Variants in CCDC88B observed in about 807,000 individuals in gnomAD.
The protein encoded by CCDC88B is coiled-coil domain-containing protein 88B.
Under a neutral mutation model 183.7 loss-of-function variants are expected in CCDC88B, and 138 were observed. The observed-to-expected ratio is 0.75, with a 90% CI of 0.65 to 0.87. The LOEUF (loss-of-function observed/expected upper bound fraction) is 0.87. Ranked by LOEUF, CCDC88B falls within the 40% of genes least tolerant of loss-of-function variation. CCDC88B has a pLI of 0.00. For missense variants in CCDC88B, 1,822 were observed against 1,965.6 expected, an observed-to-expected ratio of 0.93 and a Z score of 1.38; for synonymous variants, 835 against 867.5, an observed-to-expected ratio of 0.96 and a Z score of 0.66.
At position 64,340,290 on chromosome 11, in the gene CCDC88B, G is replaced by C. The variant is rs986997004; in HGVS notation, c.24G>C (p.Arg8Ser). 2 of 1,281,382 alleles carry C rather than the reference G, an allele frequency of 1.6e-6. No homozygotes were observed. The highest frequency in any genetic ancestry group is 3.9e-5 in the Admixed American group (1 of 25,874). 79.4% of individuals were successfully genotyped at this position (1,281,382 alleles called of 1,614,324 possible). A position where few individuals can be genotyped will look rare whatever the true frequency, so the allele number is the denominator to read the frequency against. The change falls in exon 1 of 27, where the codon AGG becomes AGC. Residue 8 changes from arginine (R) to serine (S), a missense_variant. Coordinates refer to ENST00000356786, the MANE Select transcript of CCDC88B (RefSeq NM_032251.6). Reference protein sequence around the residue: MEGGKGPRLRDFLSGSLA... With the variant: MEGGKGPSLRDFLSGSLA... Reference sequence around the variant, plus strand: ...GCATGGAGGGGGGCAAGGGGCCCAGGCTCAGAGACTTCCTGAGTGGGAGTC... The same window carrying C: ...GCATGGAGGGGGGCAAGGGGCCCAGCCTCAGAGACTTCCTGAGTGGGAGTC...
At position 64,353,252 on chromosome 11, in the gene CCDC88B, G is replaced by GGGCC; in HGVS notation, c.3687+15_3687+18dup. On this transcript the variant is annotated intron_variant, in intron 21 of 26. Transcript: ENST00000356786. ...CCACGCAGTGTGAGGTGTGGCTGGAGGGCCGGTGGGGGTATGGGCGTGTGG... is the reference window on the plus strand; with the variant it reads ...CCACGCAGTGTGAGGTGTGGCTGGAGGGCCGGCCGGTGGGGGTATGGGCGTGTGG... 6.4e-7 allele frequency: 1 copy of GGGCC among 1,558,762 alleles called. No individual in the cohort carries two copies. Among genetic ancestry groups the GGGCC allele is most frequent in the Non-Finnish European group, 8.7e-7 (1 of 1,151,008 alleles).
rs756180859 is a variant in CCDC88B at position 64,353,802 on chromosome 11, G to A, written c.3921G>A (p.Leu1307=). Residue 1307 remains leucine, a synonymous_variant, in exon 23 of 27, where the codon CTG becomes CTA. Transcript: ENST00000356786. ...ACCGCGTGCTGGAGCCTGTGCCCCT[G>A]CCCCGGACCAAGTGAGCAGCCCTGT... ...DQYRVLEPVP[L]PRTKKGSWLA... 2.5e-6 allele frequency: 4 copies of A among 1,614,022 alleles called. No homozygotes were observed. The highest frequency in any genetic ancestry group is 3.4e-6 in the Non-Finnish European group (4 of 1,179,946).
intron 26 of CCDC88B, 80 bp from the exon 27 acceptor site, chr11:64,356,959 G>A (rs2036565674): frequency 7.0e-7 from 1 of 1,421,170 alleles, no homozygotes. Flanking sequence ...GTGGGCAGAA[G>A]GTGCTCGAGC....
In CCDC88B at chr11:64,354,297, C is replaced by A. The variant is rs531768101; in HGVS notation, c.4099+127C>A. ...TGGCCTTCCCTGAGGCCTGCCCCCC[C>A]TGCCCTGATGCCACCAGGGGCTCTT... On this transcript the variant is annotated intron_variant, in intron 24 of 26. Transcript: ENST00000356786. The A allele has an allele frequency of 5.3e-6, 4 of 756,490 alleles. No individual in the cohort carries two copies. The South Asian group carries it at 1.7e-4, about 32-fold the overall frequency. The allele number at this position is 756,490 out of a possible 1,614,324, so 46.9% of individuals were successfully genotyped here.
In CCDC88B at chr11:64,342,327, G is replaced by A. The variant is rs1473254186; in HGVS notation, c.855G>A (p.Gln285=). The part of the protein sequence containing the change: ...EEKAELLLDS[Q]AEVQGLEAEI... ...AGGCCGAGCTGCTGCTAGACTCCCAGGCCGAGGTGCAGGGTTTGGAGGCCG... is the reference window on the plus strand; with the variant it reads ...AGGCCGAGCTGCTGCTAGACTCCCAAGCCGAGGTGCAGGGTTTGGAGGCCG... Residue 285 remains glutamine, a synonymous_variant, in exon 9 of 27, where the codon CAG becomes CAA. Coordinates refer to ENST00000356786, the MANE Select transcript of CCDC88B (RefSeq NM_032251.6). The A allele has an allele frequency of 1.9e-6, 3 of 1,595,170 alleles. No individual in the cohort carries two copies. In the Admixed American group the frequency reaches 5.3e-5, roughly 28 times the overall value.
chr11:64,355,272 G>C lies in CCDC88B; in HGVS notation c.4178G>C (p.Arg1393Pro). ...LRDETLAGGQRRKLSSRFPVG... is the reference protein window; with the variant it reads ...LRDETLAGGQPRKLSSRFPVG... ...GATGAGACCTTGGCAGGCGGGCAGC[G>C]GCGGAAACTCAGCTCAAGGTTCCCG... The change falls in exon 25 of 27, where the codon CGG (arginine) becomes CCG (proline). Residue 1393 changes from arginine (R) to proline (P), a missense_variant. Coordinates refer to ENST00000356786, the MANE Select transcript of CCDC88B (RefSeq NM_032251.6). The C allele has an allele frequency of 6.3e-7, 1 of 1,581,962 alleles. No homozygotes were observed. Among genetic ancestry groups the C allele is most frequent in the South Asian group, 1.2e-5 (1 of 86,656 alleles).
intron 17 of CCDC88B, 97 bp downstream of exon 17, chr11:64,351,352 G>T: frequency 1.3e-6 from 2 of 1,514,148 alleles, no homozygotes; most frequent in Non-Finnish European, 1.8e-6. Context: ...CCCGTGCAGT[G>T]TGAGTGTGGA....
chr11:64,345,111 T>C lies in CCDC88B; in HGVS notation c.2570T>C (p.Leu857Ser). Residue 857 changes from leucine (L) to serine (S), a missense_variant, in exon 14 of 27, where the codon TTG (leucine) becomes TCG (serine). Physicochemically the swap from Leu to Ser is moderately radical, Grantham distance 145. Transcript: ENST00000356786. ...QVLESEGRQH[L>S]EEAERERREK... ...CTGGAGAGCGAGGGCCGCCAGCACT[T>C]GGAGGAGGCTGAGAGGGAGCGCCGG... The C allele has an allele frequency of 1.3e-6, 2 of 1,550,590 alleles. No homozygotes were observed. The highest frequency in any genetic ancestry group is 1.2e-5 in the South Asian group (1 of 84,792).
At chr11:64,340,516 G>A (rs752100276) in intron 1 of CCDC88B, 91 bp from the exon 2 acceptor site, 2 of 1,528,336 alleles carry the variant, frequency 1.3e-6, no homozygotes, top group Non-Finnish European at 1.7e-6. Context: ...TCAGAGGACG[G>A]GTGAGAAGGG....
chr11:64,353,939 C>T, intron 23 of CCDC88B, 65 bp from the exon 24 acceptor site: 1 of 1,561,110 alleles, frequency 6.4e-7, no homozygotes, highest in Non-Finnish European at 8.7e-7. Context: ...TTGACATCCC[C>T]AGGACACCCT....
At position 64,353,776 on chromosome 11, in the gene CCDC88B, T is replaced by C; in HGVS notation, c.3895T>C (p.Tyr1299His). Reference protein sequence around the residue: ...QKLVEKIMDQYRVLEPVPLPR... With the variant: ...QKLVEKIMDQHRVLEPVPLPR... The stretch of plus-strand genomic sequence containing the variant: ...GCTCGTGGAGAAGATCATGGACCAA[T>C]ACCGCGTGCTGGAGCCTGTGCCCCT... The change falls in exon 23 of 27, where the codon TAC becomes CAC. Residue 1299 changes from tyrosine to histidine, a missense_variant. Tyr to His is a moderately conservative substitution (Grantham distance 83). Transcript: ENST00000356786. 2 of 1,613,998 alleles carry C rather than the reference T, an allele frequency of 1.2e-6. No homozygotes were observed. Among genetic ancestry groups the C allele is most frequent in the Non-Finnish European group, 1.7e-6 (2 of 1,179,944 alleles).
chr11:64,349,813 A>G, intron 16 of CCDC88B, 145 bp downstream of exon 16: 1 of 728,942 alleles, frequency 1.4e-6, no homozygotes, highest in Non-Finnish European at 2.3e-6. Context: ...GGCCTGTTGG[A>G]GAGAGCACTG....
At chr11:64,341,239 C>T in intron 4 of CCDC88B, 31 bp from the exon 5 acceptor site, 4 of 1,614,154 alleles carry the variant, frequency 2.5e-6, no homozygotes, top group Non-Finnish European at 3.4e-6. Flanking sequence ...TTCCCCGCCC[C>T]AGTTAACCCC....
intron 1 of CCDC88B, 109 bp downstream of exon 1, chr11:64,340,435 G>A: frequency 7.6e-7 from 1 of 1,310,434 alleles, no homozygotes; most frequent in Non-Finnish European, 1.0e-6. Context: ...GGAGGGGAGG[G>A]CTGGGTTCAA....
Position 64,342,639 on chromosome 11 carries a change from G to T in CCDC88B, c.1021G>T (p.Glu341Ter). The part of the protein sequence containing the change: ...RLQEELRRCR[E>*]RLQAAEAYKS... ...GCAGGAGGAGCTGAGGCGCTGCCGC[G>T]AGCGGCTGCAGGCGGCTGAGGCCTA... is the stretch of plus-strand genomic sequence containing the variant. The change falls in exon 10 of 27, where the codon GAG becomes TAG. Residue 341 changes from glutamate to a stop codon, truncating the protein, a stop_gained. Coordinates refer to ENST00000356786, the MANE Select transcript of CCDC88B (RefSeq NM_032251.6). LOFTEE classifies it high-confidence loss of function. The T allele has an allele frequency of 6.6e-7, 1 of 1,523,518 alleles. No individual in the cohort carries two copies. The allele number at this position is 1,523,518 out of a possible 1,614,324, so 94.4% of individuals were successfully genotyped here. A position where few individuals can be genotyped will look rare whatever the true frequency, so the allele number is the denominator to read the frequency against.
At chr11:64,351,912 C>T (rs112283768) in intron 18 of CCDC88B, among the ~76,000 whole-genome samples, 13 of 152,242 alleles carry the variant, frequency 8.5e-5, no homozygotes, top group African/African-American at 2.9e-4. Flanking sequence ...GTGCCCCTTC[C>T]GGACAGCCTG....
rs2036514909 is a variant in CCDC88B, at chr11:64,355,373, C to G, written c.4279C>G (p.Leu1427Val). ...ATTCCGACAGCGCCATCCAGGCCCC[C>G]TGGGGGCGCCCGTCTCCCACAGCAA... ...QRFRQRHPGP[L>V]GAPVSHSKGP... Residue 1427 changes from leucine to valine, a missense_variant, in exon 25 of 27, where the codon CTG becomes GTG. Leu to Val is a conservative substitution (Grantham distance 32). Transcript: ENST00000356786. 1.9e-6 allele frequency: 3 copies of G among 1,591,090 alleles called. No individual in the cohort carries two copies. The highest frequency in any genetic ancestry group is 2.6e-6 in the Non-Finnish European group (3 of 1,169,286).
chr11:64,349,275 T>G (rs2036232486), intron 14 of CCDC88B, 56 bp from the exon 15 acceptor site: 1 of 1,502,954 alleles, frequency 6.7e-7, no homozygotes, highest in Non-Finnish European at 8.9e-7. Context: ...CTCTCAGGCC[T>G]CTGTCTCCGG....
At position 64,353,389 on chromosome 11, in the gene CCDC88B, C is replaced by A. The variant is rs1415925905; in HGVS notation, c.3726C>A (p.Asn1242Lys). 6.2e-7 allele frequency: 1 copy of A among 1,613,534 alleles called. No individual in the cohort carries two copies. The highest frequency in any genetic ancestry group is 1.7e-4 in the Middle Eastern group (1 of 5,960). ...TGCGAAGTGCCCAGGAAGAGGAGAA[C>A]CGGCAGCTGCTGGCTGAAGTTCAGG... ...TQLRSAQEEE[N>K]RQLLAEVQAL... is the part of the protein sequence containing the mutation. The change falls in exon 22 of 27, where the codon AAC becomes AAA. Residue 1242 changes from asparagine (N) to lysine (K), a missense_variant. Asn to Lys is a moderately conservative substitution (Grantham distance 94, BLOSUM62 0). Coordinates refer to ENST00000356786, the MANE Select transcript of CCDC88B (RefSeq NM_032251.6).
Sources: allele counts gnomAD v4.1 joint callset (sites outside exome capture counted in the v4.1 genomes callset), GRCh38; gene constraint gnomAD v4.1.1; transcripts MANE v1.5; gene names NCBI Gene and HGNC (gene_info 2026-07-23, HGNC 2026-07-21).